Variants in ZNF599 observed in about 807,000 individuals in gnomAD.
The protein encoded by ZNF599 is zinc finger protein 599.
A neutral mutation model predicts 11.7 loss-of-function variants in ZNF599; 10 were observed. The ratio of observed to expected loss-of-function variants is 0.86; its 90% CI spans 0.53 to 1.45. The LOEUF is 1.45. Ranked by LOEUF, ZNF599 falls within the 40% of genes most tolerant of loss-of-function variation. The probability of loss-of-function intolerance (pLI) is 0.00; values close to 1 mark genes in which losing one functional copy is unlikely to be tolerated. For synonymous variants in ZNF599, 232 were observed against 253.2 expected (o/e 0.92, Z 0.79); for missense variants, 688 against 713.6 (o/e 0.96, Z 0.41).
At chr19:34,778,055 A>T (rs1313282533), upstream of ZNF599, among the ~76,000 whole-genome samples, 1 of 152,084 alleles carries the variant, frequency 6.6e-6, no homozygotes, top group Non-Finnish European at 1.5e-5. Context: ...GATTATAGTG[A>T]TGGTTTCACA....
chr19:34,777,556 ATAT>A (rs895257033), upstream of ZNF599, among the ~76,000 whole-genome samples: 15 of 124,302 alleles, frequency 1.2e-4, no homozygotes, highest in South Asian at 2.2e-4. Flanking sequence ...ATTATATATA[ATAT>A]TATGTATAAA....
At chr19:34,782,084 T>C in the ZNF599 span, among the ~76,000 whole-genome samples, 1 of 152,234 alleles carries the variant, frequency 6.6e-6, no homozygotes, top group Non-Finnish European at 1.5e-5. Context: ...TGTCACACTC[T>C]CGTCTTCCTA....
At chr19:34,774,535 A>T (rs1242159519), upstream of ZNF599, among the ~76,000 whole-genome samples, 1 of 152,212 alleles carries the variant, frequency 6.6e-6, no homozygotes, top group Non-Finnish European at 1.5e-5. Context: ...ACAATTTTGC[A>T]ATCACTTCTG....
Position 34,772,505 on chromosome 19 carries a change from C to T in ZNF599, c.18+319G>A, listed in dbSNP as rs1305914140. The T allele has an allele frequency of 3.9e-6, 5 of 1,277,540 alleles. No individual in the cohort carries two copies. In the African/African-American group the frequency reaches 4.7e-5, roughly 12 times the overall value. The allele number at this position is 1,277,540 out of a possible 1,614,324, so 79.1% of individuals were successfully genotyped here. A position where few individuals can be genotyped will look rare whatever the true frequency, so the allele number is the denominator to read the frequency against. On this transcript the variant is annotated intron_variant, in intron 1 of 3. Coordinates refer to ENST00000329285, the MANE Select transcript of ZNF599 (RefSeq NM_001007248.3). ...GACAGGACCCACGTCACAAGCGTAC[C>T]CTCTCCAGCTCCCTCCACAGAGAAA...
the ZNF599 span, among the ~76,000 whole-genome samples, chr19:34,786,966 A>T: frequency 1.3e-5 from 2 of 152,192 alleles, no homozygotes; most frequent in Non-Finnish European, 2.9e-5. Flanking sequence ...CAAACCTTTA[A>T]CATTGGGACC....
At chr19:34,783,908 T>C in the ZNF599 span, among the ~76,000 whole-genome samples, 1 of 152,142 alleles carries the variant, frequency 6.6e-6, no homozygotes, top group Non-Finnish European at 1.5e-5. Context: ...ACCCAACTCC[T>C]GGCCCACACC....
At chr19:34,789,962 T>C in the ZNF599 span, among the ~76,000 whole-genome samples, 1 of 152,216 alleles carries the variant, frequency 6.6e-6, no homozygotes, top group Non-Finnish European at 1.5e-5. Flanking sequence ...TACATTTTCT[T>C]CTAGTAGTTT....
chr19:34,759,402 T>A lies in ZNF599; in HGVS notation c.1399A>T (p.Ile467Phe). The A allele has an allele frequency of 6.2e-7, 1 of 1,614,152 alleles. No individual in the cohort carries two copies. The highest frequency in any genetic ancestry group is 8.5e-7 in the Non-Finnish European group (1 of 1,180,020). ...CCACTGTGGGTCCTATTATGTCGAATAAAAACAGAGTGGTGTGTAAAAGCC... is the reference window on the plus strand; with the variant it reads ...CCACTGTGGGTCCTATTATGTCGAAAAAAAACAGAGTGGTGTGTAAAAGCC... Reference protein sequence around the residue: ...GKAFTHHSVFIRHNRTHSGQK... With the variant: ...GKAFTHHSVFFRHNRTHSGQK... The change falls in exon 4 of 4, where the codon ATT becomes TTT. Residue 467 changes from isoleucine (I) to phenylalanine (F), a missense_variant. Transcript: ENST00000329285.
chr19:34,772,167 C>T (rs1003355775), intron 1 of ZNF599, among the ~76,000 whole-genome samples: 6 of 152,220 alleles, frequency 3.9e-5, no homozygotes, highest in African/African-American at 1.2e-4. Context: ...GAATATTGTG[C>T]TGGATTTGCT....
chr19:34,794,180 C>T, the ZNF599 span, among the ~76,000 whole-genome samples: 13 of 152,150 alleles, frequency 8.5e-5, no homozygotes, highest in African/African-American at 3.1e-4. Context: ...AGACCCCTCC[C>T]CGCTGCCCCA....
intron 1 of ZNF599, among the ~76,000 whole-genome samples, chr19:34,770,205 T>C (rs1457328187): frequency 6.6e-6 from 1 of 152,264 alleles, no homozygotes; most frequent in Non-Finnish European, 1.5e-5. Flanking sequence ...GTAAATGTCA[T>C]CATCTCCATT....
In ZNF599 at chr19:34,769,528, C is replaced by G. The variant is rs1388047078; in HGVS notation, c.46G>C (p.Val16Leu). The G allele has an allele frequency of 6.2e-7, 1 of 1,614,114 alleles. No individual in the cohort carries two copies. The highest frequency in any genetic ancestry group is 1.1e-5 in the South Asian group (1 of 91,078). Residue 16 changes from valine to leucine, a missense_variant, in exon 2 of 4, where the codon GTG becomes CTG. Val to Leu is a conservative substitution (Grantham distance 32, BLOSUM62 1). Transcript: ENST00000329285. Reference protein sequence around the residue: ...LALVSFEDVVVTFTGEEWGHL... With the variant: ...LALVSFEDVVLTFTGEEWGHL... ...CCCCATTCCTCTCCAGTGAAGGTCA[C>G]AACCACGTCTTCAAATGATACTAAT...
chr19:34,775,862 T>G (rs1046475281), upstream of ZNF599, among the ~76,000 whole-genome samples: 6 of 152,280 alleles, frequency 3.9e-5, no homozygotes, highest in Middle Eastern at 3.4e-3. Flanking sequence ...GACCTATTAC[T>G]GCGAAAATAC....
At chr19:34,798,503 G>C in the ZNF599 span, among the ~76,000 whole-genome samples, 176 of 152,214 alleles carry the variant, frequency 1.2e-3, no homozygotes, top group African/African-American at 4.1e-3. Context: ...GGCTCCCACT[G>C]TCCAGCATCC....
In ZNF599 at chr19:34,758,579, C is replaced by T. The variant is rs2069086460; in HGVS notation, c.*455G>A. The T allele has an allele frequency of 6.4e-6, 1 of 156,148 alleles. No individual in the cohort carries two copies. The highest frequency in any genetic ancestry group is 2.0e-4 in the South Asian group (1 of 5,088). 9.7% of individuals were successfully genotyped at this position (156,148 alleles called of 1,614,324 possible). A position where few individuals can be genotyped will look rare whatever the true frequency, so the allele number is the denominator to read the frequency against. ...AATGTCTTATTCCCTGCTCCATCCCCCAACCCGCCAAATGACAAACTGTCA... is the reference window on the plus strand; with the variant it reads ...AATGTCTTATTCCCTGCTCCATCCCTCAACCCGCCAAATGACAAACTGTCA... On this transcript the variant is annotated 3_prime_UTR_variant, in exon 4 of 4. Transcript: ENST00000329285.
the ZNF599 span, among the ~76,000 whole-genome samples, chr19:34,798,940 T>C: frequency 1.2e-4 from 18 of 152,308 alleles, no homozygotes; most frequent in African/African-American, 4.3e-4. Context: ...CAACTATTGA[T>C]CTTCTTACTG....
At chr19:34,799,009 C>CT in the ZNF599 span, among the ~76,000 whole-genome samples, 27 of 149,344 alleles carry the variant, frequency 1.8e-4, no homozygotes, top group East Asian at 3.9e-4. Context: ...ATACACAGCA[C>CT]TTTTTTTTTT....
chr19:34,789,182 C>A, the ZNF599 span, among the ~76,000 whole-genome samples: 1 of 152,014 alleles, frequency 6.6e-6, no homozygotes, highest in South Asian at 2.1e-4. Flanking sequence ...TTTTCTGTGC[C>A]TGGCTTATTT....
In ZNF599 at chr19:34,758,483, G is replaced by A. The variant is rs568430657; in HGVS notation, c.*551C>T. On this transcript the variant is annotated 3_prime_UTR_variant, in exon 4 of 4. Coordinates refer to ENST00000329285, the MANE Select transcript of ZNF599 (RefSeq NM_001007248.3). ...AAATGTTGGCAGAGCTGCCCTCAAT[G>A]GTCCAACTCTCCTGGCTCTGGACTT... The A allele has an allele frequency of 4.6e-5, 7 of 152,402 alleles. No individual in the cohort carries two copies. The South Asian group carries it at 1.5e-3, about 32-fold the overall frequency. The allele number at this position is 152,402 out of a possible 1,614,324, so 9.4% of individuals were successfully genotyped here.
Sources: gnomAD v4.1 joint callset for allele counts (sites outside exome capture counted in the v4.1 genomes callset) on GRCh38, gnomAD v4.1.1 for gene constraint, MANE v1.5 for transcripts, NCBI Gene and HGNC (gene_info 2026-07-23, HGNC 2026-07-21) for gene names.